CSGALNACT1: variants seen among roughly 807,000 people sequenced by gnomAD.
CSGALNACT1 encodes chondroitin sulfate N-acetylgalactosaminyltransferase 1, also known as beta4GalNAcT-1.
Under a neutral mutation model 51.0 loss-of-function variants are expected in CSGALNACT1, and 52 were observed. That is an observed-to-expected ratio of 1.02 (90% CI 0.82 to 1.29). CSGALNACT1 has a LOEUF of 1.29. CSGALNACT1 is among the 50% of genes most tolerant of loss of function. CSGALNACT1 has a pLI of 0.00. For missense variants in CSGALNACT1, 935 were observed against 679.2 expected, an observed-to-expected ratio of 1.38 and a Z score of -4.19; for synonymous variants, 341 against 254.4, an observed-to-expected ratio of 1.34 and a Z score of -3.24.
chr8:19,532,699 A>G (rs912266562), intron 3 of CSGALNACT1, among the ~76,000 whole-genome samples: 1 of 152,184 alleles, frequency 6.6e-6, no homozygotes, highest in Non-Finnish European at 1.5e-5. Context: ...CAGATGGCAG[A>G]AGGTGCCTGA....
intron 3 of CSGALNACT1, among the ~76,000 whole-genome samples, chr8:19,523,670 T>C (rs2081149527): frequency 1.3e-5 from 2 of 152,194 alleles, no homozygotes; most frequent in African/African-American, 4.8e-5. Context: ...TGAATTGTAT[T>C]CACGTAATCA....
intron 1 of CSGALNACT1, among the ~76,000 whole-genome samples, chr8:19,734,525 A>G (rs189881862): frequency 3.3e-5 from 5 of 152,310 alleles, no homozygotes; most frequent in African/African-American, 1.2e-4. Flanking sequence ...CTGAACCTCT[A>G]CTACTTCAAG....
At chr8:19,692,508 G>A (rs745795920) in intron 1 of CSGALNACT1, among the ~76,000 whole-genome samples, 2 of 152,194 alleles carry the variant, frequency 1.3e-5, no homozygotes, top group Non-Finnish European at 2.9e-5. Flanking sequence ...TGGGGAGGAT[G>A]AAAATGATCA....
intron 1 of CSGALNACT1, among the ~76,000 whole-genome samples, chr8:19,630,530 C>T (rs1046172419): frequency 6.6e-6 from 1 of 151,130 alleles, no homozygotes; most frequent in Middle Eastern, 3.4e-3. Flanking sequence ...TTGTGGTATA[C>T]AATTCTGTGG....
intron 1 of CSGALNACT1, among the ~76,000 whole-genome samples, chr8:19,662,144 G>T (rs757127554): frequency 1.4e-5 from 2 of 142,760 alleles, no homozygotes; most frequent in African/African-American, 2.6e-5. Flanking sequence ...GGCTAGGTGC[G>T]GTGGGGCTCA....
At chr8:19,604,525 T>C (rs765310884), upstream of CSGALNACT1, among the ~76,000 whole-genome samples, 5 of 152,088 alleles carry the variant, frequency 3.3e-5, no homozygotes, top group Non-Finnish European at 5.9e-5. Flanking sequence ...AAAACCAAAC[T>C]CTACAAAGGA....
chr8:19,558,182 T>C (rs1250840115), intron 3 of CSGALNACT1, among the ~76,000 whole-genome samples: 2 of 152,366 alleles, frequency 1.3e-5, no homozygotes, highest in Middle Eastern at 3.4e-3. Context: ...ATGTTTATCA[T>C]GTTTACTACA....
At chr8:19,717,076 A>C (rs1170779969) in intron 1 of CSGALNACT1, among the ~76,000 whole-genome samples, 1 of 152,210 alleles carries the variant, frequency 6.6e-6, no homozygotes, top group Non-Finnish European at 1.5e-5. Context: ...GTGAAAACTA[A>C]ATGAGATAAT....
At chr8:19,722,008 A>C (rs77359025) in intron 1 of CSGALNACT1, among the ~76,000 whole-genome samples, 1 of 82,350 alleles carries the variant, frequency 1.2e-5, no homozygotes, top group African/African-American at 5.3e-5. Flanking sequence ...CGACTCAAGC[A>C]AAAAAAAGAA....
chr8:19,609,096 C>G (rs1168190300), intron 1 of CSGALNACT1, among the ~76,000 whole-genome samples: 2 of 151,534 alleles, frequency 1.3e-5, no homozygotes, highest in African/African-American at 2.4e-5. Context: ...AATCTTTCAC[C>G]ATGAAAATGA....
Position 19,447,791 on chromosome 8 carries a change from G to A in CSGALNACT1, c.852-7860C>T, listed in dbSNP as rs117559244. On this transcript the variant is annotated intron_variant, in intron 5 of 9. Coordinates refer to ENST00000454498, the Ensembl canonical transcript of CSGALNACT1. ...TGTCAAAGTGATGCACACCCCTAGG[G>A]TGGGTCCTGTTCTCCAACCAGCTTT... 5.8e-3 allele frequency among the ~76,000 whole-genome samples: 879 copies of A among 152,334 alleles called. 7 individuals are homozygous for A. Among genetic ancestry groups the A allele is most frequent in the Non-Finnish European group, 9.7e-3 (660 of 68,030 alleles).
chr8:19,649,711 G>C (rs1186074867), intron 1 of CSGALNACT1, among the ~76,000 whole-genome samples: 1 of 149,602 alleles, frequency 6.7e-6, no homozygotes, highest in Non-Finnish European at 1.5e-5. Context: ...ATGGGTGAGG[G>C]TTGAGGTTGT....
intron 1 of CSGALNACT1, among the ~76,000 whole-genome samples, chr8:19,652,332 C>A (rs1327219106): frequency 6.6e-6 from 1 of 151,996 alleles, no homozygotes; most frequent in East Asian, 1.9e-4. Context: ...ATTTGGTGAC[C>A]AAGATCAAGG....
chr8:19,673,117 G>A (rs570454949), intron 1 of CSGALNACT1, among the ~76,000 whole-genome samples: 24 of 152,178 alleles, frequency 1.6e-4, no homozygotes, highest in South Asian at 2.1e-4. Flanking sequence ...CCAGCAGTGA[G>A]AACACACACC....
At chr8:19,462,032 T>C (rs1376392743) in intron 4 of CSGALNACT1, among the ~76,000 whole-genome samples, 1 of 152,176 alleles carries the variant, frequency 6.6e-6, no homozygotes, top group Non-Finnish European at 1.5e-5. Context: ...GCAGCCACAT[T>C]CGCCGTGGAG....
chr8:19,589,955 T>A, intron 3 of CSGALNACT1, among the ~76,000 whole-genome samples: 1 of 152,236 alleles, frequency 6.6e-6, no homozygotes, highest in East Asian at 1.9e-4. Context: ...GTCATTCTCT[T>A]CTTCACTGAT....
chr8:19,508,211 G>A (rs12547231), intron 3 of CSGALNACT1, among the ~76,000 whole-genome samples: 140 of 152,298 alleles, frequency 9.2e-4, no homozygotes, highest in African/African-American at 3.3e-3. Flanking sequence ...CTCAAAGACA[G>A]AATGTTAACA....
intron 6 of CSGALNACT1, among the ~76,000 whole-genome samples, chr8:19,438,189 G>A (rs1174817402): frequency 2.0e-5 from 3 of 151,850 alleles, no homozygotes; most frequent in Admixed American, 6.6e-5. Flanking sequence ...CTTGGCCGGG[G>A]CGGGGGTCGG....
At chr8:19,410,406 T>C (rs564063732) in intron 8 of CSGALNACT1, among the ~76,000 whole-genome samples, 22 of 152,302 alleles carry the variant, frequency 1.4e-4, no homozygotes, top group African/African-American at 5.3e-4. Flanking sequence ...ATGGTTTCCA[T>C]TGCAGCGAAT....
Sources: gnomAD v4.1 joint callset for allele counts (sites outside exome capture counted in the v4.1 genomes callset) on GRCh38, gnomAD v4.1.1 for gene constraint, MANE v1.5 for transcripts, NCBI Gene and HGNC (gene_info 2026-07-23, HGNC 2026-07-21) for gene names.